The following GNB1 variants were observed in gnomAD, a reference collection of about 807,000 sequenced individuals.
GNB1 encodes the protein guanine nucleotide-binding protein G(I)/G(S)/G(T) subunit beta-1.
Under a neutral mutation model 42.9 loss-of-function variants are expected in GNB1, and 2 were observed. The observed-to-expected ratio is 0.05, with a 90% CI of 0.02 to 0.15. GNB1 has a LOEUF of 0.15. Ranked by LOEUF, GNB1 falls within the 10% of genes least tolerant of loss-of-function variation. GNB1 has a pLI of 1.00. For synonymous variants in GNB1, 183 were observed against 174.7 expected (o/e 1.05, Z -0.38); for missense variants, 193 against 462.2 (o/e 0.42, Z 5.34).
At chr1:1,880,395 T>C (rs1649775857) in intron 1 of GNB1, among the ~76,000 whole-genome samples, 1 of 151,692 alleles carries the variant, frequency 6.6e-6, no homozygotes, top group South Asian at 2.1e-4. Flanking sequence ...GGTCAGGAGA[T>C]CGAGACCACG....
At chr1:1,805,180 CG>C (rs1646680385) in intron 6 of GNB1, among the ~76,000 whole-genome samples, 1 of 151,186 alleles carries the variant, frequency 6.6e-6, no homozygotes, top group African/African-American at 2.4e-5. Flanking sequence ...ACAAACAGGC[CG>C]GGTGCGGTGG....
chr1:1,849,449 C>T (rs1309483308), intron 1 of GNB1, among the ~76,000 whole-genome samples: 1 of 152,170 alleles, frequency 6.6e-6, no homozygotes, highest in African/African-American at 2.4e-5. Context: ...TTCTATCACC[C>T]AGGCTACAGT....
At chr1:1,879,954 T>C (rs891026167) in intron 1 of GNB1, among the ~76,000 whole-genome samples, 25 of 151,914 alleles carry the variant, frequency 1.6e-4, no homozygotes, top group Non-Finnish European at 7.4e-5. Flanking sequence ...TTTTAAGACA[T>C]AGGGCCTCAC....
Position 1,871,952 on chromosome 1 carries a change from CT to C in GNB1, c.-96+18867del, listed in dbSNP as rs1649272723. Among the ~76,000 whole-genome samples, 3 of 152,236 alleles carry C rather than the reference CT, an allele frequency of 2.0e-5. No homozygotes were observed. The South Asian group carries it at 6.2e-4, about 32-fold the overall frequency. On this transcript the variant is annotated intron_variant, in intron 1 of 11. Transcript: ENST00000378609. ...TCCTTAAAATGACCTCTGTCTCAAT[CT>C]GTGCCCCCGACAATCCATTTTTCAT...
At chr1:1,792,020 G>C (rs1646487258) in intron 8 of GNB1, among the ~76,000 whole-genome samples, 1 of 151,888 alleles carries the variant, frequency 6.6e-6, no homozygotes, top group Non-Finnish European at 1.5e-5. Flanking sequence ...TGTGCCCTGG[G>C]CTGGGCACAG....
chr1:1,861,128 A>AG (rs1478157752), intron 1 of GNB1, among the ~76,000 whole-genome samples: 6 of 146,368 alleles, frequency 4.1e-5, no homozygotes, highest in Non-Finnish European at 3.0e-5. Flanking sequence ...AAAAAAAAAA[A>AG]GGGAACTGAC....
chr1:1,882,450 A>G (rs930383970), intron 1 of GNB1, among the ~76,000 whole-genome samples: 20 of 134,108 alleles, frequency 1.5e-4, no homozygotes, highest in African/African-American at 5.5e-4. Flanking sequence ...AAAAAAAAAA[A>G]GAGAGAAGGT....
intron 1 of GNB1, among the ~76,000 whole-genome samples, chr1:1,855,502 C>T (rs1293962569): frequency 1.3e-5 from 2 of 152,002 alleles, no homozygotes; most frequent in African/African-American, 4.8e-5. Context: ...GAGATCAAGA[C>T]CATCCTGGCT....
intron 1 of GNB1, among the ~76,000 whole-genome samples, chr1:1,841,107 G>C (rs564004135): frequency 6.6e-6 from 1 of 151,964 alleles, no homozygotes; most frequent in East Asian, 1.9e-4. Flanking sequence ...GGTCAGTATG[G>C]TCTCGATCTC....
intron 7 of GNB1, among the ~76,000 whole-genome samples, chr1:1,802,691 G>A (rs1252244855): frequency 2.0e-5 from 3 of 151,950 alleles, no homozygotes; most frequent in Non-Finnish European, 4.4e-5. Context: ...TTGAACCCAG[G>A]GGGTTGAGGT....
chr1:1,817,059 A>G (rs1377578683), intron 4 of GNB1, among the ~76,000 whole-genome samples: 3 of 152,164 alleles, frequency 2.0e-5, no homozygotes, highest in Admixed American at 6.5e-5. Context: ...TTCCAAAAGG[A>G]GACCAGACAT....
intron 3 of GNB1, among the ~76,000 whole-genome samples, chr1:1,822,712 G>A (rs1646947846): frequency 6.6e-6 from 1 of 152,142 alleles, no homozygotes; most frequent in South Asian, 2.1e-4. Context: ...AGAAGGCCCT[G>A]GGGAATTCAC....
chr1:1,828,599 G>A (rs1486238446), intron 2 of GNB1, among the ~76,000 whole-genome samples: 2 of 152,006 alleles, frequency 1.3e-5, no homozygotes, highest in Non-Finnish European at 2.9e-5. Context: ...GCCAAAACTC[G>A]CTAACTTTCA....
chr1:1,855,319 G>A (rs1445511379), intron 1 of GNB1, among the ~76,000 whole-genome samples: 2 of 116,722 alleles, frequency 1.7e-5, no homozygotes, highest in Non-Finnish European at 3.6e-5. Context: ...AAGACACTGT[G>A]TCAAAAAAAA....
At chr1:1,795,174 G>A (rs1646530056) in intron 7 of GNB1, among the ~76,000 whole-genome samples, 1 of 152,162 alleles carries the variant, frequency 6.6e-6, no homozygotes, top group Admixed American at 6.5e-5. Flanking sequence ...CTGCATACCT[G>A]GCGCCCCCTG....
chr1:1,860,105 G>A (rs1160532794), intron 1 of GNB1, among the ~76,000 whole-genome samples: 1 of 152,052 alleles, frequency 6.6e-6, no homozygotes, highest in Non-Finnish European at 1.5e-5. Flanking sequence ...CCATAAAAAG[G>A]AATGAAAGCA....
chr1:1,863,083 TGCAGGGTGCTGAACA>T (rs1648722549), intron 1 of GNB1, among the ~76,000 whole-genome samples: 1 of 152,132 alleles, frequency 6.6e-6, no homozygotes, highest in South Asian at 2.1e-4. Context: ...TCCCGGGTGG[TGCAGGGTGCTGAACA>T]GCATCACTGG....
chr1:1,800,593 G>A (rs1490657452), intron 7 of GNB1, among the ~76,000 whole-genome samples: 1 of 152,098 alleles, frequency 6.6e-6, no homozygotes, highest in Non-Finnish European at 1.5e-5. Flanking sequence ...GAGGGGCAGG[G>A]ACTAAGGACA....
At chr1:1,865,984 G>A (rs1648918872) in intron 1 of GNB1, among the ~76,000 whole-genome samples, 1 of 151,772 alleles carries the variant, frequency 6.6e-6, no homozygotes, top group African/African-American at 2.4e-5. Context: ...TGTTGCCCAG[G>A]CTGGAGTACA....
Sources: gnomAD v4.1 joint callset for allele counts (sites outside exome capture counted in the v4.1 genomes callset) on GRCh38, gnomAD v4.1.1 for gene constraint, MANE v1.5 for transcripts, NCBI Gene and HGNC (gene_info 2026-07-23, HGNC 2026-07-21) for gene names.